The following LINGO2 variants were observed in gnomAD, a reference collection of about 807,000 sequenced individuals.
The protein encoded by LINGO2 is leucine rich repeat and Ig domain containing 2.
Under a neutral mutation model 30.6 loss-of-function variants are expected in LINGO2, and 14 were observed. The ratio of observed to expected loss-of-function variants is 0.46; its 90% CI spans 0.30 to 0.72. The LOEUF is 0.72. Ranked by LOEUF, LINGO2 falls within the 30% of genes least tolerant of loss-of-function variation. LINGO2 has a pLI of 0.07. For synonymous variants in LINGO2, 317 were observed against 288.5 expected, an observed-to-expected ratio of 1.10 and a Z score of -1.00; for missense variants, 729 against 751.7, an observed-to-expected ratio of 0.97 and a Z score of 0.35.
intron 4 of LINGO2, among the ~76,000 whole-genome samples, chr9:28,111,212 A>G (rs1826775034): frequency 6.6e-6 from 1 of 152,016 alleles, no homozygotes; most frequent in Non-Finnish European, 1.5e-5. Flanking sequence ...CAGGGAGGGG[A>G]ACATCACACA....
chr9:28,863,661 C>T, the LINGO2 span: 1 of 532,774 alleles, frequency 1.9e-6, no homozygotes, highest in African/African-American at 1.9e-5. Flanking sequence ...ACCACCACCA[C>T]ATTAGCTTAG....
chr9:28,063,654 G>C (rs774391787), intron 4 of LINGO2, among the ~76,000 whole-genome samples: 1 of 151,962 alleles, frequency 6.6e-6, no homozygotes. Flanking sequence ...TTTCCATTTC[G>C]TCGTGTCCTT....
the LINGO2 span, among the ~76,000 whole-genome samples, chr9:28,832,257 T>G: frequency 6.6e-6 from 1 of 152,340 alleles, no homozygotes; most frequent in African/African-American, 2.4e-5. Context: ...TTATCTGACT[T>G]AATGAAAATG....
chr9:28,342,964 G>A (rs182444769), intron 3 of LINGO2, among the ~76,000 whole-genome samples: 1 of 152,208 alleles, frequency 6.6e-6, no homozygotes, highest in Admixed American at 6.5e-5. Context: ...GACATTCACT[G>A]GCAGCAAAAG....
the LINGO2 span, among the ~76,000 whole-genome samples, chr9:28,727,372 G>A: frequency 2.6e-5 from 4 of 151,730 alleles, no homozygotes; most frequent in Non-Finnish European, 4.4e-5. Context: ...TGCAAGCTCC[G>A]CCTCCCAGGT....
At chr9:28,700,548 TG>T in the LINGO2 span, among the ~76,000 whole-genome samples, 2 of 152,076 alleles carry the variant, frequency 1.3e-5, no homozygotes, top group East Asian at 3.9e-4. Flanking sequence ...AAGGACATTT[TG>T]GGTGCTTCCA....
intron 1 of LINGO2, among the ~76,000 whole-genome samples, chr9:28,561,790 G>T (rs1823098867): frequency 1.7e-4 from 16 of 96,174 alleles, no homozygotes; most frequent in East Asian, 8.8e-4. Context: ...TAAAAAATAT[G>T]CTACTAGAAC....
At chr9:28,707,532 C>A in the LINGO2 span, among the ~76,000 whole-genome samples, 12 of 152,082 alleles carry the variant, frequency 7.9e-5, no homozygotes, top group Non-Finnish European at 1.6e-4. Context: ...CTGAAATAAA[C>A]CTCAAGGAGC....
chr9:27,991,646 A>G (rs1821404118), intron 5 of LINGO2, among the ~76,000 whole-genome samples: 1 of 152,082 alleles, frequency 6.6e-6, no homozygotes, highest in South Asian at 2.1e-4. Context: ...CAAGTAAAAC[A>G]TTGATCATGC....
chr9:28,327,566 A>G lies in LINGO2; in HGVS notation c.-245-32200T>C, dbSNP rs1825274357. Among the ~76,000 whole-genome samples, 3 of 152,208 alleles carry G rather than the reference A, an allele frequency of 2.0e-5. No homozygotes were observed. In the South Asian group the frequency reaches 6.2e-4, roughly 31 times the overall value. ...TTATTTGGCCCAGTGTTTAATTACCATAGGCCATATTCCCTTTACAGTCAA... is the reference window on the plus strand; with the variant it reads ...TTATTTGGCCCAGTGTTTAATTACCGTAGGCCATATTCCCTTTACAGTCAA... On this transcript the variant is annotated intron_variant, in intron 3 of 5. Transcript: ENST00000379992.
At chr9:28,880,999 G>A in the LINGO2 span, among the ~76,000 whole-genome samples, 21 of 151,912 alleles carry the variant, frequency 1.4e-4, no homozygotes, top group East Asian at 3.3e-3. Context: ...CCTGCTCTCC[G>A]ACTACATTCC....
At chr9:28,823,642 T>C in the LINGO2 span, among the ~76,000 whole-genome samples, 134 of 152,256 alleles carry the variant, frequency 8.8e-4, 1 homozygote, top group Non-Finnish European at 1.9e-4. Context: ...GAGAGGCCCA[T>C]GTACAGAGGA....
At chr9:28,484,217 CA>C (rs1453559299) in intron 1 of LINGO2, among the ~76,000 whole-genome samples, 3 of 152,046 alleles carry the variant, frequency 2.0e-5, no homozygotes, top group Admixed American at 6.6e-5. Flanking sequence ...TCAGTTTGTC[CA>C]GTCTATCTCC....
At chr9:27,938,978 T>G in the LINGO2 span, 3 of 152,288 alleles carry the variant, frequency 2.0e-5, no homozygotes, top group Admixed American at 6.5e-5. Flanking sequence ...TCCTGAATAT[T>G]TTGAGGGCAT....
intron 1 of LINGO2, among the ~76,000 whole-genome samples, chr9:28,552,195 G>T (rs971510641): frequency 6.6e-6 from 1 of 151,848 alleles, no homozygotes. Flanking sequence ...ATTACCCTGG[G>T]TGTTTCTCCA....
At chr9:28,990,380 G>C in the LINGO2 span, among the ~76,000 whole-genome samples, 1 of 152,328 alleles carries the variant, frequency 6.6e-6, no homozygotes, top group Non-Finnish European at 1.5e-5. Flanking sequence ...GCCCACCACA[G>C]CTAAAGGAGG....
chr9:28,274,129 G>A (rs1003569759), intron 4 of LINGO2, among the ~76,000 whole-genome samples: 64 of 152,026 alleles, frequency 4.2e-4, no homozygotes, highest in African/African-American at 1.5e-3. Flanking sequence ...CATATTTTTT[G>A]AATAATTGCT....
chr9:28,623,509 T>C (rs769975436), intron 1 of LINGO2, among the ~76,000 whole-genome samples: 1 of 152,026 alleles, frequency 6.6e-6, no homozygotes, highest in African/African-American at 2.4e-5. Flanking sequence ...TTTAGGTGTG[T>C]GAATTTTCTT....
intron 2 of LINGO2, among the ~76,000 whole-genome samples, chr9:28,474,520 G>A (rs1825650845): frequency 6.6e-6 from 1 of 152,076 alleles, no homozygotes; most frequent in Non-Finnish European, 1.5e-5. Flanking sequence ...GCTTCCAAAT[G>A]TTTCCCCTAA....
Sources: gnomAD v4.1 joint callset for allele counts (sites outside exome capture counted in the v4.1 genomes callset) on GRCh38, gnomAD v4.1.1 for gene constraint, MANE v1.5 for transcripts, NCBI Gene and HGNC (gene_info 2026-07-23, HGNC 2026-07-21) for gene names.